Variants in FOCAD observed in about 807,000 individuals in gnomAD.
FOCAD encodes the protein focadhesin, also known as KIAA1797.
A neutral mutation model predicts 225.6 loss-of-function variants in FOCAD; 198 were observed. The ratio of observed to expected loss-of-function variants is 0.88; its 90% CI spans 0.78 to 0.99. The LOEUF (loss-of-function observed/expected upper bound fraction) is 0.99, where lower values mean the gene tolerates loss of function less well. FOCAD is among the 50% of genes least tolerant of loss of function. FOCAD has a pLI of 0.00. For missense variants in FOCAD, 2,713 were observed against 2,123.6 expected, an observed-to-expected ratio of 1.28 and a Z score of -5.46; for synonymous variants, 897 against 755.0, an observed-to-expected ratio of 1.19 and a Z score of -3.08.
intron 5 of FOCAD, among the ~76,000 whole-genome samples, chr9:20,744,666 G>A (rs1827898727): frequency 6.6e-6 from 1 of 152,164 alleles, no homozygotes; most frequent in African/African-American, 2.4e-5. Context: ...TTAGGTGTTG[G>A]TATTTTTTTA....
intron 35 of FOCAD, among the ~76,000 whole-genome samples, chr9:20,968,767 C>G (rs1456719074): frequency 1.3e-5 from 2 of 151,942 alleles, no homozygotes; most frequent in Non-Finnish European, 2.9e-5. Context: ...TTAATTATCT[C>G]CACTCTAAAC....
intron 24 of FOCAD, among the ~76,000 whole-genome samples, chr9:20,920,645 G>C (rs1192864212): frequency 2.0e-5 from 3 of 150,532 alleles, no homozygotes; most frequent in Non-Finnish European, 4.4e-5. Flanking sequence ...AAAAAAGGAT[G>C]AGTTCATGTC....
chr9:20,716,033 C>A, intron 2 of FOCAD: 1 of 368,016 alleles, frequency 2.7e-6, no homozygotes, highest in South Asian at 2.5e-5. Context: ...CAGAAGCCAT[C>A]TTGAAGACTT....
chr9:20,867,324 C>T (rs1357332970), intron 18 of FOCAD, among the ~76,000 whole-genome samples: 1 of 151,922 alleles, frequency 6.6e-6, no homozygotes, highest in Non-Finnish European at 1.5e-5. Context: ...TTAATCCAAG[C>T]ATGGCCTTCA....
intron 21 of FOCAD, 95 bp downstream of exon 21, chr9:20,885,325 T>C: frequency 8.1e-7 from 1 of 1,241,830 alleles, no homozygotes; most frequent in Non-Finnish European, 1.0e-6. Context: ...TTTTTGATCA[T>C]AATTAATGTA....
At chr9:20,684,072 C>CCGCCGCCCA (rs1212157593), upstream of FOCAD, 3 of 152,304 alleles carry the variant, frequency 2.0e-5, no homozygotes, top group Admixed American at 1.3e-4. Context: ...GAGCGCGGGT[C>CCGCCGCCCA]CGCCGCCCAC....
rs566981258 is a variant in FOCAD at position 20,851,211 on chromosome 9, G to T, written c.1921-11367G>T. ...AGTTGAAAACCATGAAAGAGTTTTG[G>T]TTTTTTTTTTTTCGTGGGGTGGGGG... On this transcript the variant is annotated intron_variant, in intron 15 of 43. Transcript: ENST00000338382. 3.0e-3 allele frequency among the ~76,000 whole-genome samples: 383 copies of T among 128,642 alleles called. 10 individuals are homozygous for T. The East Asian group carries it at 0.052, about 17-fold the overall frequency. The allele number at this position is 128,642 out of a possible 152,430, so 84.4% of individuals were successfully genotyped here. A position where few individuals can be genotyped will look rare whatever the true frequency, so the allele number is the denominator to read the frequency against.
intron 41 of FOCAD, among the ~76,000 whole-genome samples, chr9:20,989,071 C>A (rs62558316): frequency 2.0e-5 from 3 of 152,168 alleles, no homozygotes; most frequent in African/African-American, 7.2e-5. Context: ...TGCTTTCCTT[C>A]ATTGTGTTGA....
intron 24 of FOCAD, 45 bp from the exon 25 acceptor site, chr9:20,923,615 G>A (rs946613159): frequency 6.8e-7 from 1 of 1,476,756 alleles, no homozygotes; most frequent in Non-Finnish European, 9.4e-7. Flanking sequence ...TCTTCTTCTG[G>A]TTAATACCAA....
chr9:20,889,195 A>G (rs1288201127), intron 21 of FOCAD, among the ~76,000 whole-genome samples: 1 of 152,120 alleles, frequency 6.6e-6, no homozygotes, highest in Non-Finnish European at 1.5e-5. Context: ...AGATTTGCCT[A>G]TTCTGGACAT....
intron 8 of FOCAD, among the ~76,000 whole-genome samples, chr9:20,772,382 C>T (rs1439658358): frequency 5.3e-5 from 8 of 152,028 alleles, no homozygotes; most frequent in Non-Finnish European, 1.0e-4. Flanking sequence ...ATTTTAAACA[C>T]GGGACTGGGT....
Position 20,720,426 on chromosome 9 carries a change from T to G in FOCAD, c.179T>G (p.Val60Gly), listed in dbSNP as rs772629909. Residue 60 changes from valine to glycine, a missense_variant, in exon 4 of 44, where the codon GTA becomes GGA. Val to Gly is a moderately radical substitution (Grantham distance 109, BLOSUM62 -3). Coordinates refer to ENST00000338382, the MANE Select transcript of FOCAD (RefSeq NM_001375567.1). Reference protein sequence around the residue: ...LLWEKCCSDNVVVRTACCEGL... With the variant: ...LLWEKCCSDNGVVRTACCEGL... ...TGGGAGAAGTGTTGCAGTGACAATG[T>G]AGTGGTTCGAACAGCCTGCTGTGAA... The G allele has an allele frequency of 3.2e-5, 51 of 1,614,110 alleles. No individual in the cohort carries two copies. Among genetic ancestry groups the G allele is most frequent in the Non-Finnish European group, 4.2e-5 (50 of 1,179,996 alleles).
chr9:20,961,308 A>G (rs1174879959), intron 35 of FOCAD, among the ~76,000 whole-genome samples: 8 of 152,226 alleles, frequency 5.3e-5, no homozygotes, highest in Admixed American at 2.0e-4. Context: ...AATAAATTGA[A>G]CAAAATATTA....
At chr9:20,707,498 A>T (rs541696573) in intron 1 of FOCAD, among the ~76,000 whole-genome samples, 1 of 152,166 alleles carries the variant, frequency 6.6e-6, no homozygotes, top group Admixed American at 6.5e-5. Flanking sequence ...TTAACTACCA[A>T]TAGTCTTATG....
chr9:20,946,364 G>A (rs755407409), intron 29 of FOCAD, among the ~76,000 whole-genome samples: 2 of 152,140 alleles, frequency 1.3e-5, no homozygotes, highest in African/African-American at 4.8e-5. Flanking sequence ...TCCTTCTGCT[G>A]TTGATAGGTG....
intron 11 of FOCAD, among the ~76,000 whole-genome samples, chr9:20,815,123 G>GTGTTCTTT (rs1564024181): frequency 1.2e-5 from 1 of 85,396 alleles, no homozygotes; most frequent in Non-Finnish European, 2.2e-5. Flanking sequence ...ACTTCTCTTT[G>GTGTTCTTT]TTTTTTTTTT....
At chr9:20,927,297 G>T (rs1835045192) in intron 26 of FOCAD, among the ~76,000 whole-genome samples, 1 of 151,978 alleles carries the variant, frequency 6.6e-6, no homozygotes, top group African/African-American at 2.4e-5. Flanking sequence ...TAAAATGAAG[G>T]AATTGAAAAA....
upstream of FOCAD, chr9:20,683,354 C>T (rs1260188828): frequency 6.6e-6 from 1 of 152,030 alleles, no homozygotes; most frequent in Admixed American, 6.5e-5. Flanking sequence ...TTAGAAACAA[C>T]TAAGTCAGAT....
intron 15 of FOCAD, among the ~76,000 whole-genome samples, chr9:20,845,251 T>G (rs1255866130): frequency 6.6e-6 from 1 of 152,018 alleles, no homozygotes; most frequent in African/African-American, 2.4e-5. Flanking sequence ...ATTAGCAGAA[T>G]TAGAAGCAAA....
Sources: gnomAD v4.1 joint callset for allele counts (sites outside exome capture counted in the v4.1 genomes callset) on GRCh38, gnomAD v4.1.1 for gene constraint, MANE v1.5 for transcripts, NCBI Gene and HGNC (gene_info 2026-07-23, HGNC 2026-07-21) for gene names.